The following NCLN variants were observed in gnomAD, a reference collection of about 807,000 sequenced individuals.
NCLN encodes nicalin.
NCLN carries 34 observed loss-of-function variants against 69.5 expected under a neutral mutation model. The observed-to-expected ratio is 0.49, with a 90% CI of 0.37 to 0.65. The LOEUF (loss-of-function observed/expected upper bound fraction) is 0.65. Ranked by LOEUF, NCLN falls within the 30% of genes least tolerant of loss-of-function variation. NCLN has a pLI of 0.00. For synonymous variants in NCLN, 393 were observed against 358.3 expected, an observed-to-expected ratio of 1.10 and a Z score of -1.09; for missense variants, 710 against 804.8, an observed-to-expected ratio of 0.88 and a Z score of 1.42.
Position 3,201,508 on chromosome 19 carries a change from C to G in NCLN, c.697-15C>G. On this transcript the variant is annotated splice_polypyrimidine_tract_variant and intron_variant, in intron 5 of 14. Transcript: ENST00000246117. ...GGCGGGGGTGACTGTGGCCTTGCCT[C>G]TCCCGTCCCTGTAGTGGCTGTCGCT... 1 of 1,542,686 alleles carries G rather than the reference C, an allele frequency of 6.5e-7. No individual in the cohort carries two copies.
At chr19:3,186,496 C>A (rs1172278337) in intron 1 of NCLN, among the ~76,000 whole-genome samples, 1 of 152,182 alleles carries the variant, frequency 6.6e-6, no homozygotes, top group Non-Finnish European at 1.5e-5. Context: ...CGTCCCGCGT[C>A]CCTGGAGCCC....
Position 3,186,172 on chromosome 19 carries a change from G to A in NCLN, c.142G>A (p.Val48Met). 6.3e-7 allele frequency: 1 copy of A among 1,590,474 alleles called. No individual in the cohort carries two copies. The highest frequency in any genetic ancestry group is 8.5e-7 in the Non-Finnish European group (1 of 1,171,412). Residue 48 changes from valine (V) to methionine (M), a missense_variant, in exon 1 of 15, where the codon GTG becomes ATG. By Grantham distance (21) the Val-to-Met change is conservative. Transcript: ENST00000246117. ...CGCCGACGCCGCGCACGAGTTCACC[G>A]TGTACCGCATGCAGCAGTACGACCT... ...PAADAAHEFT[V>M]YRMQQYDLQG...
intron 3 of NCLN, among the ~76,000 whole-genome samples, chr19:3,195,223 C>T (rs112368366): frequency 0.014 from 2,060 of 151,380 alleles, 46 homozygotes; most frequent in African/African-American, 0.048. Context: ...GAGCATGCTT[C>T]CCCCAGTGAT....
chr19:3,190,823 C>T (rs116413252), intron 1 of NCLN, among the ~76,000 whole-genome samples: 3,514 of 152,206 alleles, frequency 0.023, 141 homozygotes, highest in African/African-American at 0.08. Context: ...GCTTGTGCAG[C>T]GCTGAGATGT....
intron 2 of NCLN, among the ~76,000 whole-genome samples, chr19:3,192,892 A>T (rs957699633): frequency 6.6e-6 from 1 of 152,164 alleles, no homozygotes; most frequent in Non-Finnish European, 1.5e-5. Flanking sequence ...GATGGAGGCC[A>T]GGGATACTGC....
rs1200753378 is a variant in NCLN at position 3,192,677 on chromosome 19, C to T, written c.375+17C>T. 1.3e-5 allele frequency: 20 copies of T among 1,515,434 alleles called. No individual in the cohort carries two copies. The highest frequency in any genetic ancestry group is 1.7e-5 in the Non-Finnish European group (19 of 1,132,714). 93.9% of individuals were successfully genotyped at this position (1,515,434 alleles called of 1,614,324 possible). On this transcript the variant is annotated intron_variant, in intron 2 of 14. Transcript: ENST00000246117. ...GTCGTCCGGGTGAGCGTCTGCCCTG[C>T]CCCGCCCGGCTCAGGTCCAGAGCTG... is the stretch of plus-strand genomic sequence containing the variant.
rs527483435 is a variant in NCLN at position 3,207,859 on chromosome 19, A to G, written c.*171A>G. On this transcript the variant is annotated 3_prime_UTR_variant, in exon 15 of 15. Coordinates refer to ENST00000246117, the MANE Select transcript of NCLN (RefSeq NM_020170.4). ...GAGCTTTTTTCTGTTGCTCTCCGAGACTGGGGGGGGATTGTTTCTTCTTTT... is the reference window on the plus strand; with the variant it reads ...GAGCTTTTTTCTGTTGCTCTCCGAGGCTGGGGGGGGATTGTTTCTTCTTTT... 11 of 600,974 alleles carry G rather than the reference A, an allele frequency of 1.8e-5. No homozygotes were observed. In the South Asian group the frequency reaches 2.1e-4, roughly 11 times the overall value. 37.2% of individuals were successfully genotyped at this position (600,974 alleles called of 1,614,324 possible).
rs558213465 is a variant in NCLN at position 3,204,758 on chromosome 19, G to A, written c.1208+7G>A. The A allele has an allele frequency of 1.8e-4, 268 of 1,485,252 alleles. 3 individuals are homozygous for A. The South Asian group carries it at 3.2e-3, about 18-fold the overall frequency. 92.0% of individuals were successfully genotyped at this position (1,485,252 alleles called of 1,614,324 possible). A position where few individuals can be genotyped will look rare whatever the true frequency, so the allele number is the denominator to read the frequency against. On this transcript the variant is annotated splice_region_variant and intron_variant, in intron 9 of 14. Transcript: ENST00000246117. ...GCAGCATCATGGACGTGCGGTGAGC[G>A]CGGCAGCACCTGCCCGGCCCCTCCT... is the stretch of plus-strand genomic sequence containing the variant.
At chr19:3,187,767 C>T (rs1915708385) in intron 1 of NCLN, among the ~76,000 whole-genome samples, 1 of 152,156 alleles carries the variant, frequency 6.6e-6, no homozygotes. Flanking sequence ...GGGGAAGCGC[C>T]CTGGGGCCAC....
Position 3,207,414 on chromosome 19 carries a change from T to A in NCLN, c.1577T>A (p.Leu526Gln). 1 of 1,613,124 alleles carries A rather than the reference T, an allele frequency of 6.2e-7. No homozygotes were observed. Among genetic ancestry groups the A allele is most frequent in the Non-Finnish European group, 8.5e-7 (1 of 1,180,014 alleles). ...AYRVKPAVFD[L>Q]LLAVGIAAYL... ...AGAGTCAAGCCGGCCGTCTTTGACCTGCTCCTGGCTGTTGGCATTGCTGCC... is the reference window on the plus strand; with the variant it reads ...AGAGTCAAGCCGGCCGTCTTTGACCAGCTCCTGGCTGTTGGCATTGCTGCC... Residue 526 changes from leucine to glutamine, a missense_variant, in exon 14 of 15, where the codon CTG (leucine) becomes CAG (glutamine). Transcript: ENST00000246117.
chr19:3,204,792 C>G, intron 9 of NCLN, 41 bp downstream of exon 9: 2 of 1,395,706 alleles, frequency 1.4e-6, no homozygotes, highest in African/African-American at 1.5e-5. Flanking sequence ...CTAGGGCTTT[C>G]CTGGGGGCTG....
At chr19:3,193,573 C>G in intron 3 of NCLN, 145 bp downstream of exon 3, 1 of 982,916 alleles carries the variant, frequency 1.0e-6, no homozygotes, top group Non-Finnish European at 1.4e-6. Context: ...GTTCCTGGGC[C>G]CCGTGTGGAC....
chr19:3,198,729 TG>T, intron 4 of NCLN, 87 bp from the exon 5 acceptor site: 1 of 1,052,620 alleles, frequency 9.5e-7, no homozygotes, highest in African/African-American at 1.7e-5. Context: ...GGGCCCCACG[TG>T]GCCCAGAGGG....
At chr19:3,200,057 A>T (rs1419677874) in intron 5 of NCLN, among the ~76,000 whole-genome samples, 1 of 151,604 alleles carries the variant, frequency 6.6e-6, no homozygotes, top group Non-Finnish European at 1.5e-5. Context: ...GTCTGGGCAG[A>T]TCTGCTGCCT....
At chr19:3,187,578 G>A (rs1367157872) in intron 1 of NCLN, among the ~76,000 whole-genome samples, 1 of 152,198 alleles carries the variant, frequency 6.6e-6, no homozygotes, top group Non-Finnish European at 1.5e-5. Flanking sequence ...TTTTTACTTA[G>A]AGCCATTGTT....
Position 3,207,632 on chromosome 19 carries a change from T to C in NCLN, c.1636T>C (p.Phe546Leu), listed in dbSNP as rs745382337. 1 of 1,612,948 alleles carries C rather than the reference T, an allele frequency of 6.2e-7. No individual in the cohort carries two copies. The highest frequency in any genetic ancestry group is 1.3e-5 in the African/African-American group (1 of 75,052). Reference protein sequence around the residue: ...LGMAYVAVQHFSLLYKTVQRL... With the variant: ...LGMAYVAVQHLSLLYKTVQRL... ...CTCCCTCCTGCTGTGTCCCCAGCAC[T>C]TCAGCCTCCTCTACAAGACCGTCCA... Residue 546 changes from phenylalanine to leucine, a missense_variant, in exon 15 of 15, where the codon TTC becomes CTC. By Grantham distance (22) the Phe-to-Leu change is conservative. Transcript: ENST00000246117.
At chr19:3,191,103 T>G in intron 1 of NCLN, among the ~76,000 whole-genome samples, 1 of 145,318 alleles carries the variant, frequency 6.9e-6, no homozygotes, top group African/African-American at 2.6e-5. Flanking sequence ...TCGCGGTGCG[T>G]GGCGGGCAGC....
intron 5 of NCLN, among the ~76,000 whole-genome samples, chr19:3,199,935 C>T (rs1916082363): frequency 1.3e-5 from 2 of 152,008 alleles, no homozygotes; most frequent in South Asian, 2.1e-4. Flanking sequence ...CTCCTGACCT[C>T]ATGATTTGCC....
At chr19:3,206,529 CA>C in intron 12 of NCLN, 104 bp downstream of exon 12, 1 of 1,374,012 alleles carries the variant, frequency 7.3e-7, no homozygotes, top group Non-Finnish European at 9.7e-7. Context: ...CCAGGTGGAG[CA>C]AATACAAAGA....
Sources: allele counts gnomAD v4.1 joint callset (sites outside exome capture counted in the v4.1 genomes callset), GRCh38; gene constraint gnomAD v4.1.1; transcripts MANE v1.5; gene names NCBI Gene and HGNC (gene_info 2026-07-23, HGNC 2026-07-21).